The following BRD10 variants were observed in gnomAD, a reference collection of about 807,000 sequenced individuals.
BRD10 encodes bromodomain containing 10, also known as uncharacterized bromodomain-containing protein 10.
At chr9:5,903,439 T>G in the BRD10 span, among the ~76,000 whole-genome samples, 3 of 152,234 alleles carry the variant, frequency 2.0e-5, no homozygotes, top group Non-Finnish European at 2.9e-5. Context: ...TTTTTGCATC[T>G]ATATTTATGA....
the BRD10 span, chr9:5,906,968 G>A: frequency 6.3e-7 from 1 of 1,598,962 alleles, no homozygotes; most frequent in Non-Finnish European, 8.5e-7. Context: ...ACAGCAAAGT[G>A]TCTCTTCAAG....
chr9:5,921,504 A>G, the BRD10 span: 2 of 1,613,836 alleles, frequency 1.2e-6, no homozygotes, highest in Admixed American at 3.3e-5. Context: ...ACACCTGTAG[A>G]TGTCAGCGCA....
the BRD10 span, among the ~76,000 whole-genome samples, chr9:5,962,486 A>G: frequency 1.3e-5 from 1 of 74,938 alleles, no homozygotes; most frequent in East Asian, 2.6e-4. Context: ...GGTACAAGGA[A>G]GAACTGGTAC....
the BRD10 span, among the ~76,000 whole-genome samples, chr9:5,894,093 T>C: frequency 1.3e-5 from 2 of 152,124 alleles, no homozygotes; most frequent in Non-Finnish European, 2.9e-5. The surrounding 1 kb of genome is among the most constrained non-coding windows in gnomAD (Gnocchi z 4.0). Context: ...AGGCAAATAT[T>C]TGCACAATCC....
At chr9:5,893,193 A>T in the BRD10 span, among the ~76,000 whole-genome samples, 1 of 152,240 alleles carries the variant, frequency 6.6e-6, no homozygotes, top group Non-Finnish European at 1.5e-5. Context: ...GCATGAGATT[A>T]ATTTCAGCAA....
the BRD10 span, chr9:5,897,421 G>C: frequency 1.3e-6 from 1 of 760,300 alleles, no homozygotes. Context: ...TGTGGGAGGT[G>C]GGAAACTACT....
the BRD10 span, among the ~76,000 whole-genome samples, chr9:5,940,672 C>T: frequency 5.4e-3 from 827 of 152,150 alleles, 10 homozygotes; most frequent in Non-Finnish European, 7.6e-3. Context: ...CTAAATACAC[C>T]ATTGTGTACA....
the BRD10 span, among the ~76,000 whole-genome samples, chr9:5,940,388 T>C: frequency 6.6e-6 from 1 of 152,046 alleles, no homozygotes; most frequent in Non-Finnish European, 1.5e-5. Context: ...AGAGACAGGG[T>C]TTCACCATGT....
the BRD10 span, among the ~76,000 whole-genome samples, chr9:5,950,688 C>A: frequency 3.9e-5 from 6 of 152,114 alleles, no homozygotes; most frequent in Non-Finnish European, 5.9e-5. Context: ...TTTGGTTAGA[C>A]CCTTTACAAT....
the BRD10 span, among the ~76,000 whole-genome samples, chr9:5,995,519 G>A: frequency 6.6e-6 from 1 of 152,128 alleles, no homozygotes. Flanking sequence ...TTTCCCTGAG[G>A]AACATCTAAA....
chr9:5,982,344 T>C, the BRD10 span, among the ~76,000 whole-genome samples: 7 of 152,232 alleles, frequency 4.6e-5, no homozygotes, highest in Middle Eastern at 3.4e-3. Context: ...ATCCCTACAA[T>C]TGCCCAGTGC....
At chr9:5,938,151 G>A in the BRD10 span, among the ~76,000 whole-genome samples, 1 of 152,134 alleles carries the variant, frequency 6.6e-6, no homozygotes, top group African/African-American at 2.4e-5. Context: ...TAAAAGGACA[G>A]GGGCTAGCCC....
the BRD10 span, among the ~76,000 whole-genome samples, chr9:5,965,226 T>C: frequency 6.6e-6 from 1 of 151,906 alleles, no homozygotes; most frequent in Non-Finnish European, 1.5e-5. Flanking sequence ...ACATCAGTCA[T>C]GAATGACACA....
At chr9:5,935,442 C>T in the BRD10 span, among the ~76,000 whole-genome samples, 4 of 152,170 alleles carry the variant, frequency 2.6e-5, no homozygotes, top group African/African-American at 9.7e-5. Context: ...TTCACTATCA[C>T]CGGGGAAGAA....
At chr9:5,901,348 G>A in the BRD10 span, among the ~76,000 whole-genome samples, 35 of 152,048 alleles carry the variant, frequency 2.3e-4, no homozygotes, top group African/African-American at 8.5e-4. Context: ...TTGATTTTTT[G>A]TACCTAGATA....
the BRD10 span, among the ~76,000 whole-genome samples, chr9:5,937,436 G>A: frequency 1.3e-5 from 2 of 151,890 alleles, no homozygotes; most frequent in African/African-American, 4.8e-5. Context: ...TAGGGAGGCT[G>A]AGGCAGGAGA....
the BRD10 span, among the ~76,000 whole-genome samples, chr9:5,926,744 G>A: frequency 1.3e-5 from 2 of 152,020 alleles, no homozygotes; most frequent in African/African-American, 2.4e-5. Flanking sequence ...TGTTAGCCAG[G>A]ATGGTCTTGA....
chr9:5,936,702 C>T, the BRD10 span, among the ~76,000 whole-genome samples: 22 of 152,156 alleles, frequency 1.4e-4, no homozygotes, highest in Non-Finnish European at 2.9e-4. Flanking sequence ...TCACAAAAGG[C>T]ACTGAATTAA....
chr9:5,989,767 G>T, the BRD10 span, among the ~76,000 whole-genome samples: 1 of 152,102 alleles, frequency 6.6e-6, no homozygotes, highest in Non-Finnish European at 1.5e-5. Context: ...GGGCTCAAGC[G>T]ATCAGCCCAC....
Sources: gnomAD v4.1 joint callset for allele counts (sites outside exome capture counted in the v4.1 genomes callset) on GRCh38, gnomAD v4.1.1 for gene constraint, Gnocchi (gnomAD v3.1) non-coding constraint, MANE v1.5 for transcripts, NCBI Gene and HGNC (gene_info 2026-07-23, HGNC 2026-07-21) for gene names.